PTGS1: variants seen among roughly 807,000 people sequenced by gnomAD.
The protein encoded by PTGS1 is prostaglandin G/H synthase 1.
A neutral mutation model predicts 63.0 loss-of-function variants in PTGS1; 40 were observed. The observed-to-expected ratio is 0.63, with a 90% CI of 0.49 to 0.83. The LOEUF (loss-of-function observed/expected upper bound fraction) is 0.83. PTGS1 is among the 40% of genes least tolerant of loss of function. PTGS1 has a pLI of 0.00. For synonymous variants in PTGS1, 298 were observed against 301.9 expected (o/e 0.99, Z 0.13); for missense variants, 709 against 786.5 (o/e 0.90, Z 1.18).
chr9:122,387,846 G>A (rs1025846147), intron 9 of PTGS1, among the ~76,000 whole-genome samples: 10 of 152,300 alleles, frequency 6.6e-5, no homozygotes, highest in Non-Finnish European at 1.2e-4. Context: ...CTGCTTCATC[G>A]CAGTCTCTGG....
At chr9:122,371,379 G>A (rs1836796174) in intron 2 of PTGS1, 107 bp downstream of exon 2, 2 of 1,535,826 alleles carry the variant, frequency 1.3e-6, no homozygotes, top group East Asian at 4.7e-5. Flanking sequence ...CTTTCTGCTC[G>A]CGGTGCTGAG....
In PTGS1 at chr9:122,378,492, C is replaced by T; in HGVS notation, c.271C>T (p.Leu91=). 6.2e-7 allele frequency: 1 copy of T among 1,614,248 alleles called. No homozygotes were observed. Among genetic ancestry groups the T allele is most frequent in the South Asian group, 1.1e-5 (1 of 91,088 alleles). The change falls in exon 4 of 11, where the codon CTG becomes TTG. Residue 91 remains leucine, a synonymous_variant. Transcript: ENST00000362012. ...GCCCAGCCCCTCTTTCACCCACTTC[C>T]TGCTCACTCACGGGCGCTGGTTCTG... The part of the protein sequence containing the change: ...LRPSPSFTHF[L]LTHGRWFWEF...
chr9:122,391,374 T>TAC (rs1838243357), intron 10 of PTGS1, among the ~76,000 whole-genome samples: 9 of 81,452 alleles, frequency 1.1e-4, no homozygotes, highest in Non-Finnish European at 1.5e-4. Flanking sequence ...TATATATACA[T>TAC]ATATATATAT....
intron 9 of PTGS1, 99 bp downstream of exon 9, chr9:122,386,831 G>T (rs1837904487): frequency 1.4e-6 from 2 of 1,417,342 alleles, no homozygotes; most frequent in Non-Finnish European, 1.9e-6. Flanking sequence ...TGGGGCTGAT[G>T]TCACTTCTAC....
Position 122,378,580 on chromosome 9 carries a change from G to A in PTGS1, c.352+7G>A. ...ATGCGCCTGGTACTCACAGGTGGGT[G>A]TGGGGCAGGGCCCCCTGACCTGGGG... On this transcript the variant is annotated splice_region_variant and intron_variant, in intron 4 of 10. Coordinates refer to ENST00000362012, the MANE Select transcript of PTGS1 (RefSeq NM_000962.4). 1 of 1,614,236 alleles carries A rather than the reference G, an allele frequency of 6.2e-7. No homozygotes were observed. Among genetic ancestry groups the A allele is most frequent in the Non-Finnish European group, 8.5e-7 (1 of 1,180,026 alleles).
In PTGS1 at chr9:122,371,274, TA is replaced by T; in HGVS notation, c.94+3del. On this transcript the variant is annotated splice_donor_region_variant and intron_variant, in intron 2 of 10. Coordinates refer to ENST00000362012, the MANE Select transcript of PTGS1 (RefSeq NM_000962.4). The stretch of plus-strand genomic sequence containing the variant: ...CGGACCCAGGGGCGCCCACGCCAGG[TA>T]GGCGGCCCCATCCCTCCCCAAGGGA... 1 of 1,603,856 alleles carries T rather than the reference TA, an allele frequency of 6.2e-7. No homozygotes were observed.
In PTGS1 at chr9:122,392,382, G is replaced by C; in HGVS notation, c.1638G>C (p.Pro546=). The change falls in exon 11 of 11, where the codon CCG becomes CCC. Residue 546 remains proline, a synonymous_variant. Coordinates refer to ENST00000362012, the MANE Select transcript of PTGS1 (RefSeq NM_000962.4). ...NPICSPEYWK[P]STFGGEVGFN... is the part of the protein sequence containing the mutation. ...TCTGTTCTCCGGAGTACTGGAAGCC[G>C]AGCACATTTGGCGGCGAGGTGGGCT... is the stretch of plus-strand genomic sequence containing the variant. 6.2e-7 allele frequency: 1 copy of C among 1,614,150 alleles called. No individual in the cohort carries two copies. The highest frequency in any genetic ancestry group is 8.5e-7 in the Non-Finnish European group (1 of 1,180,020).
At position 122,392,274 on chromosome 9, in the gene PTGS1, G is replaced by A; in HGVS notation, c.1530G>A (p.Lys510=). 2.5e-6 allele frequency: 4 copies of A among 1,613,682 alleles called. No individual in the cohort carries two copies. Among genetic ancestry groups the A allele is most frequent in the Non-Finnish European group, 3.4e-6 (4 of 1,179,634 alleles). The change falls in exon 11 of 11, where the codon AAG becomes AAA. Residue 510 remains lysine (K), a synonymous_variant. Transcript: ENST00000362012. The stretch of plus-strand genomic sequence containing the variant: ...TCTACCCTGGACTGCTTCTTGAAAA[G>A]TGCCATCCAAACTCTATCTTTGGGG... ...LEFYPGLLLE[K]CHPNSIFGES...
chr9:122,374,018 C>T (rs1338966795), intron 2 of PTGS1, among the ~76,000 whole-genome samples: 2 of 152,194 alleles, frequency 1.3e-5, no homozygotes, highest in Non-Finnish European at 2.9e-5. Context: ...CCTAGTCACG[C>T]TCAGTCCTGG....
At chr9:122,386,267 C>T (rs971900228) in intron 8 of PTGS1, among the ~76,000 whole-genome samples, 179 bp from the exon 9 acceptor site, 25 of 152,058 alleles carry the variant, frequency 1.6e-4, no homozygotes, top group African/African-American at 2.4e-4. Flanking sequence ...TATACCATTG[C>T]GCTCCAGCTT....
In PTGS1 at chr9:122,377,472, C is replaced by T. The variant is rs1057068433; in HGVS notation, c.95-427C>T. On this transcript the variant is annotated intron_variant, in intron 2 of 10. Coordinates refer to ENST00000362012, the MANE Select transcript of PTGS1 (RefSeq NM_000962.4). ...GTCCTCGTCCCTTTTCTGACCGCCCCCCCACCCCCCGCCCCGGCCTGCTCT... is the reference window on the plus strand; with the variant it reads ...GTCCTCGTCCCTTTTCTGACCGCCCTCCCACCCCCCGCCCCGGCCTGCTCT... 3.3e-5 allele frequency among the ~76,000 whole-genome samples: 5 copies of T among 151,634 alleles called. No individual in the cohort carries two copies. The East Asian group carries it at 5.8e-4, about 18-fold the overall frequency.
At chr9:122,379,042 A>G in intron 5 of PTGS1, 124 bp downstream of exon 5, 2 of 1,322,230 alleles carry the variant, frequency 1.5e-6, no homozygotes, top group South Asian at 1.4e-5. Context: ...AAGGCAAGAC[A>G]TATGACATGT....
intron 2 of PTGS1, chr9:122,375,219 G>C: frequency 1.4e-5 from 12 of 866,362 alleles, no homozygotes; most frequent in Non-Finnish European, 1.7e-5. Context: ...GAGGCGGGAG[G>C]GGGGAAGCTG....
Position 122,381,644 on chromosome 9 carries a change from G to A in PTGS1, c.679-20G>A, listed in dbSNP as rs754949839. 4 of 1,613,598 alleles carry A rather than the reference G, an allele frequency of 2.5e-6. No homozygotes were observed. Among genetic ancestry groups the A allele is most frequent in the South Asian group, 1.1e-5 (1 of 91,082 alleles). On this transcript the variant is annotated intron_variant, in intron 6 of 10. Transcript: ENST00000362012. Reference sequence around the variant, plus strand: ...GGGCCGGCACCCTGGTGACCTGAGGGAACCCCTCTCTGTCCACAGGTAGAC... The same window carrying A: ...GGGCCGGCACCCTGGTGACCTGAGGAAACCCCTCTCTGTCCACAGGTAGAC...
In PTGS1 at chr9:122,377,896, C is replaced by T. The variant is rs201941512; in HGVS notation, c.95-3C>T. On this transcript the variant is annotated splice_region_variant and splice_polypyrimidine_tract_variant and intron_variant, in intron 2 of 10. Coordinates refer to ENST00000362012, the MANE Select transcript of PTGS1 (RefSeq NM_000962.4). ...GTCTCTGACCTCCATTTCTCACCCACAGTGAATCCCTGTTGTTACTATCCA... is the reference window on the plus strand; with the variant it reads ...GTCTCTGACCTCCATTTCTCACCCATAGTGAATCCCTGTTGTTACTATCCA... 1 of 1,613,412 alleles carries T rather than the reference C, an allele frequency of 6.2e-7. No homozygotes were observed. The highest frequency in any genetic ancestry group is 1.7e-5 in the Admixed American group (1 of 60,016).
chr9:122,386,406 T>C (rs756211483), intron 8 of PTGS1, 40 bp from the exon 9 acceptor site: 1 of 1,598,618 alleles, frequency 6.3e-7, no homozygotes, highest in African/African-American at 1.3e-5. Flanking sequence ...TCTAAATCAC[T>C]GTGCTTGGCT....
intron 2 of PTGS1, among the ~76,000 whole-genome samples, chr9:122,373,133 G>A (rs989407656): frequency 4.6e-5 from 7 of 152,232 alleles, no homozygotes; most frequent in Admixed American, 2.0e-4. Flanking sequence ...GAAACACTAA[G>A]AGACTCGACC....
Position 122,392,824 on chromosome 9 carries a change from G to A in PTGS1, c.*280G>A. ...TCTTAGTTGACAACCTAGAATGTCA[G>A]ATTTCTGGTTGATTTGTAACACAGT... On this transcript the variant is annotated 3_prime_UTR_variant, in exon 11 of 11. Transcript: ENST00000362012. 3.0e-6 allele frequency: 1 copy of A among 333,106 alleles called. No individual in the cohort carries two copies. The highest frequency in any genetic ancestry group is 5.5e-6 in the Non-Finnish European group (1 of 181,702). The allele number at this position is 333,106 out of a possible 1,614,324, so 20.6% of individuals were successfully genotyped here.
Position 122,395,315 on chromosome 9 carries a change from T to G in PTGS1, c.*2771T>G, listed in dbSNP as rs2119208246. On this transcript the variant is annotated 3_prime_UTR_variant, in exon 11 of 11. Coordinates refer to ENST00000362012, the MANE Select transcript of PTGS1 (RefSeq NM_000962.4). ...GTGAAGAATCTTAATGCTTGTAATT[T>G]AAACATTTGTTCCTGGAGTTTTGAT... 1 of 152,344 alleles carries G rather than the reference T, an allele frequency of 6.6e-6. No individual in the cohort carries two copies. The highest frequency in any genetic ancestry group is 3.4e-3 in the Middle Eastern group (1 of 296). 9.4% of individuals were successfully genotyped at this position (152,344 alleles called of 1,614,324 possible). A position where few individuals can be genotyped will look rare whatever the true frequency, so the allele number is the denominator to read the frequency against.
Sources: gnomAD v4.1 joint callset for allele counts (sites outside exome capture counted in the v4.1 genomes callset) on GRCh38, gnomAD v4.1.1 for gene constraint, MANE v1.5 for transcripts, NCBI Gene and HGNC (gene_info 2026-07-23, HGNC 2026-07-21) for gene names.